The following DKC1 variants were observed in gnomAD, a reference collection of about 807,000 sequenced individuals.
DKC1 encodes the protein H/ACA ribonucleoprotein complex subunit DKC1.
In DKC1, 4 loss-of-function variants were observed where a neutral mutation model predicts 46.7. The observed-to-expected ratio is 0.09, with a 90% CI of 0.04 to 0.20. The LOEUF is 0.20. DKC1 is among the 10% of genes least tolerant of loss of function. DKC1 has a pLI of 1.00. For missense variants in DKC1, 171 were observed against 404.2 expected, an observed-to-expected ratio of 0.42 and a Z score of 4.95; for synonymous variants, 141 against 142.4, an observed-to-expected ratio of 0.99 and a Z score of 0.07.
chrX:154,771,660 C>T (rs963275696), intron 10 of DKC1, among the ~76,000 whole-genome samples: 1 of 111,210 alleles, frequency 9.0e-6, no homozygotes, highest in African/African-American at 3.3e-5. Flanking sequence ...TGTGACTGGC[C>T]GATTACACTT....
Position 154,766,273 on chromosome X carries a change from C to T in DKC1, c.321C>T (p.Ala107=). 1 of 1,209,566 alleles carries T rather than the reference C, an allele frequency of 8.3e-7. No individual in the cohort carries two copies. The highest frequency in any genetic ancestry group is 1.1e-6 in the Non-Finnish European group (1 of 894,595). Residue 107 remains alanine (A), a synonymous_variant, in exon 5 of 15, where the codon GCC becomes GCT. Coordinates refer to ENST00000369550, the MANE Select transcript of DKC1 (RefSeq NM_001363.5). ...ACCCCTCTTCCCATGAGGTGGTAGCCTGGATTCGACGGATACTTCGGGTGG... is the reference window on the plus strand; with the variant it reads ...ACCCCTCTTCCCATGAGGTGGTAGCTTGGATTCGACGGATACTTCGGGTGG... ...PSNPSSHEVV[A]WIRRILRVEK...
intron 8 of DKC1, 60 bp from the exon 9 acceptor site, chrX:154,769,107 G>T: frequency 2.6e-6 from 3 of 1,155,954 alleles, no homozygotes; most frequent in Non-Finnish European, 3.5e-6. Flanking sequence ...AGGAAGTTTG[G>T]GGTCTGATGG....
At chrX:154,775,759 G>C (rs1179918923) in intron 13 of DKC1, among the ~76,000 whole-genome samples, 2 of 112,288 alleles carry the variant, frequency 1.8e-5, no homozygotes, top group Non-Finnish European at 3.8e-5. Flanking sequence ...CCACCCCATG[G>C]AGCTGCTGGC....
chrX:154,775,383 C>T, intron 13 of DKC1, 110 bp downstream of exon 13: 1 of 768,062 alleles, frequency 1.3e-6, no homozygotes, highest in Non-Finnish European at 2.0e-6. Context: ...TATACGCTAG[C>T]ATCAGAGGTG....
chrX:154,764,464 CTT>C (rs1160365280), intron 1 of DKC1, among the ~76,000 whole-genome samples: 2 of 111,228 alleles, frequency 1.8e-5, no homozygotes, highest in African/African-American at 6.5e-5. Flanking sequence ...CTTACTGTAA[CTT>C]TATAAACTTT....
chrX:154,776,380 G>A, intron 14 of DKC1, 56 bp downstream of exon 14: 2 of 1,151,200 alleles, frequency 1.7e-6, no homozygotes, highest in Non-Finnish European at 2.3e-6. Context: ...CGTGGGGAAA[G>A]AATTACCCAG....
intron 7 of DKC1, 29 bp from the exon 8 acceptor site, chrX:154,768,273 T>C (rs1293790567): frequency 8.3e-7 from 1 of 1,210,941 alleles, no homozygotes; most frequent in African/African-American, 1.7e-5. Context: ...CAGTAGGTGC[T>C]GCTTTTCTTT....
chrX:154,773,875 C>T (rs1033400329), intron 11 of DKC1, among the ~76,000 whole-genome samples: 6 of 111,894 alleles, frequency 5.4e-5, no homozygotes, highest in African/African-American at 1.3e-4. Context: ...CCAGTAGGGG[C>T]GGCCGGGCAG....
At chrX:154,763,651 GAAA>G (rs1307715410) in intron 1 of DKC1, among the ~76,000 whole-genome samples, 1 of 111,928 alleles carries the variant, frequency 8.9e-6, no homozygotes, top group Non-Finnish European at 1.9e-5. Context: ...TACGTTCTAA[GAAA>G]TGGGTCGTTA....
intron 10 of DKC1, among the ~76,000 whole-genome samples, chrX:154,772,406 C>T (rs1357732124): frequency 8.9e-6 from 1 of 111,905 alleles, no homozygotes; most frequent in Non-Finnish European, 1.9e-5. Flanking sequence ...TAGGTGTGTG[C>T]ATTTGTTTCT....
chrX:154,766,920 A>G, intron 5 of DKC1, 77 bp from the exon 6 acceptor site: 1 of 950,790 alleles, frequency 1.1e-6, no homozygotes, highest in Non-Finnish European at 1.5e-6. Flanking sequence ...GCAAAATGGG[A>G]GTGACTGAGC....
intron 1 of DKC1, among the ~76,000 whole-genome samples, chrX:154,763,555 C>T (rs1052012113): frequency 8.9e-6 from 1 of 112,188 alleles, no homozygotes; most frequent in African/African-American, 3.2e-5. Flanking sequence ...GAAGCCGACA[C>T]GTGCAGTAGC....
chrX:154,768,158 A>G, intron 7 of DKC1, 144 bp from the exon 8 acceptor site: 1 of 817,612 alleles, frequency 1.2e-6, no homozygotes, highest in Non-Finnish European at 1.8e-6. Flanking sequence ...CCAGAATTAC[A>G]GATCTTTACA....
chrX:154,771,763 C>T (rs1173239792), intron 10 of DKC1, among the ~76,000 whole-genome samples: 1 of 111,778 alleles, frequency 8.9e-6, no homozygotes, highest in Non-Finnish European at 1.9e-5. Context: ...TGTATATGTA[C>T]CACATTTTCT....
Position 154,765,972 on chromosome X carries a change from G to C in DKC1, c.237G>C (p.Leu79=). 1 of 1,205,293 alleles carries C rather than the reference G, an allele frequency of 8.3e-7. No individual in the cohort carries two copies. Residue 79 remains leucine, a synonymous_variant, in exon 4 of 15, where the codon CTG becomes CTC. Transcript: ENST00000369550. ...YTPLACGSNP[L]KREIGDYIRT... is the part of the protein sequence containing the mutation. ...CTCTTGCATGTGGTTCAAATCCTCTGAAGAGAGAGATTGGGGACTATATCA... is the reference window on the plus strand; with the variant it reads ...CTCTTGCATGTGGTTCAAATCCTCTCAAGAGAGAGATTGGGGACTATATCA...
intron 12 of DKC1, 143 bp downstream of exon 12, chrX:154,774,848 A>T: frequency 1.7e-6 from 1 of 598,725 alleles, no homozygotes; most frequent in South Asian, 2.3e-5. Flanking sequence ...ACAACAGGTG[A>T]GGAACAGGTG....
intron 9 of DKC1, among the ~76,000 whole-genome samples, chrX:154,769,517 C>T (rs1401770771): frequency 9.0e-6 from 1 of 111,701 alleles, no homozygotes; most frequent in African/African-American, 3.3e-5. Flanking sequence ...AATCCTAGCA[C>T]TTTGGCAGGC....
chrX:154,771,196 T>G (rs1378093468), intron 10 of DKC1, among the ~76,000 whole-genome samples: 1 of 99,605 alleles, frequency 1.0e-5, no homozygotes, highest in African/African-American at 3.7e-5. Flanking sequence ...TGTTTTTTTT[T>G]TTTTTTTTTT....
intron 13 of DKC1, 81 bp downstream of exon 13, chrX:154,775,354 A>T: frequency 1.0e-6 from 1 of 952,544 alleles, no homozygotes; most frequent in Non-Finnish European, 1.5e-6. Context: ...TTACTTTGTG[A>T]CTGTCCGCAG....
Sources: allele counts gnomAD v4.1 joint callset (sites outside exome capture counted in the v4.1 genomes callset), GRCh38; gene constraint gnomAD v4.1.1; transcripts MANE v1.5; gene names NCBI Gene and HGNC (gene_info 2026-07-23, HGNC 2026-07-21).